Variants in SND1 observed in about 807,000 individuals in gnomAD.
SND1 encodes staphylococcal nuclease and tudor domain containing 1, also known as staphylococcal nuclease domain-containing protein 1.
A neutral mutation model predicts 121.7 loss-of-function variants in SND1; 38 were observed. That is an observed-to-expected ratio of 0.31 (90% confidence interval 0.24 to 0.41). The LOEUF is 0.41. Ranked by LOEUF, SND1 falls within the 10% of genes least tolerant of loss-of-function variation. SND1 has a pLI of 1.00. For synonymous variants in SND1, 401 were observed against 447.4 expected, an observed-to-expected ratio of 0.90 and a Z score of 1.31; for missense variants, 868 against 1,184.6, an observed-to-expected ratio of 0.73 and a Z score of 3.92.
rs1217614410 is a variant in SND1 at position 128,030,801 on chromosome 7, C to T, written c.1779+39745C>T. Reference sequence around the variant, plus strand: ...ACGGAGCGGATCGGCCGAAAAAAATCCTGCCAAACTCGAGCGGCCCCTGGT... The same window carrying T: ...ACGGAGCGGATCGGCCGAAAAAAATTCTGCCAAACTCGAGCGGCCCCTGGT... On this transcript the variant is annotated intron_variant, in intron 16 of 23. Transcript: ENST00000354725. The T allele has an allele frequency of 7.6e-6, 7 of 918,554 alleles. No homozygotes were observed. In the East Asian group the frequency reaches 2.0e-4, roughly 26 times the overall value. The allele number at this position is 918,554 out of a possible 1,614,324, so 56.9% of individuals were successfully genotyped here.
intron 15 of SND1, among the ~76,000 whole-genome samples, chr7:127,930,868 G>A (rs1386563654): frequency 1.3e-5 from 2 of 152,056 alleles, no homozygotes; most frequent in Admixed American, 6.6e-5. Context: ...TTTATAGATA[G>A]GAGGATTGTG....
intron 14 of SND1, among the ~76,000 whole-genome samples, chr7:127,916,180 G>A (rs1389671892): frequency 6.6e-6 from 1 of 152,102 alleles, no homozygotes; most frequent in Non-Finnish European, 1.5e-5. Flanking sequence ...AGTTCACCTG[G>A]TGATTGCTGA....
chr7:127,915,996 ATGTGTGTGTGTGTGTG>A lies in SND1; in HGVS notation c.1527+11199_1527+11214del, dbSNP rs57570326. On this transcript the variant is annotated intron_variant, in intron 14 of 23. Transcript: ENST00000354725. ...GGGAGTAGAATAATTAGAACAGCAT[ATGTGTGTGTGTGTGTG>A]TGTGTGTGTGTGTGTGTGTGTTTAT... Among the ~76,000 whole-genome samples the A allele has an allele frequency of 8.1e-3, 1,203 of 149,140 alleles. 17 individuals are homozygous for A. The highest frequency in any genetic ancestry group is 0.027 in the African/African-American group (1,114 of 40,782).
At chr7:128,067,355 A>G (rs1179093683) in intron 16 of SND1, among the ~76,000 whole-genome samples, 2 of 152,178 alleles carry the variant, frequency 1.3e-5, no homozygotes, top group African/African-American at 2.4e-5. Context: ...GAATATTGAA[A>G]GCAGGAATAT....
intron 15 of SND1, among the ~76,000 whole-genome samples, chr7:127,973,711 T>C (rs1464036121): frequency 6.6e-6 from 1 of 152,270 alleles, no homozygotes; most frequent in Non-Finnish European, 1.5e-5. Context: ...TATCTATGTG[T>C]GTGCCTATCT....
At position 127,773,837 on chromosome 7, in the gene SND1, T is replaced by C. The variant is rs1797564133; in HGVS notation, c.1153-33647T>C. Among the ~76,000 whole-genome samples the C allele has an allele frequency of 2.0e-5, 3 of 152,230 alleles. No homozygotes were observed. The South Asian group carries it at 6.2e-4, about 31-fold the overall frequency. ...ATTTTGGTCAAGGACAGACCACATA[T>C]ACTCTTTTATGATGGTGGTTCCATA... On this transcript the variant is annotated intron_variant, in intron 10 of 23. Coordinates refer to ENST00000354725, the MANE Select transcript of SND1 (RefSeq NM_014390.4).
At chr7:127,668,787 CT>C (rs1047410693) in intron 1 of SND1, among the ~76,000 whole-genome samples, 5 of 152,198 alleles carry the variant, frequency 3.3e-5, no homozygotes, top group African/African-American at 1.2e-4. Flanking sequence ...CTTCCACTCC[CT>C]CGGCATGATC....
intron 16 of SND1, among the ~76,000 whole-genome samples, chr7:128,033,249 G>C (rs530751935): frequency 1.1e-4 from 16 of 152,196 alleles, no homozygotes; most frequent in Non-Finnish European, 2.1e-4. Flanking sequence ...GTAGGAGAAG[G>C]GGACTAGGTC....
intron 16 of SND1, chr7:128,030,750 G>T: frequency 7.4e-7 from 1 of 1,350,110 alleles, no homozygotes; most frequent in Non-Finnish European, 1.0e-6. Context: ...TCTGGAGAAG[G>T]AGGTGGGGAG....
chr7:128,013,194 C>A (rs948562871), intron 16 of SND1, among the ~76,000 whole-genome samples: 1 of 152,196 alleles, frequency 6.6e-6, no homozygotes, highest in Admixed American at 6.5e-5. Context: ...GGACTCTGGA[C>A]AGGAGGAGGC....
intron 15 of SND1, among the ~76,000 whole-genome samples, chr7:127,976,514 CA>C (rs1257097292): frequency 6.6e-6 from 1 of 152,260 alleles, no homozygotes; most frequent in Non-Finnish European, 1.5e-5. Flanking sequence ...CACACTGTGA[CA>C]GGGGCTAAAA....
intron 10 of SND1, among the ~76,000 whole-genome samples, chr7:127,777,356 TA>T (rs1797639011): frequency 6.6e-6 from 1 of 152,228 alleles, no homozygotes; most frequent in Non-Finnish European, 1.5e-5. Flanking sequence ...TTGACAGCTG[TA>T]AATGTTGGAA....
intron 1 of SND1, among the ~76,000 whole-genome samples, chr7:127,657,038 G>T (rs1331766217): frequency 6.6e-6 from 1 of 152,178 alleles, no homozygotes; most frequent in Non-Finnish European, 1.5e-5. Flanking sequence ...TCATTTTTCT[G>T]TCAAAAGGAA....
At position 127,825,488 on chromosome 7, in the gene SND1, A is replaced by G. The variant is rs1169880309; in HGVS notation, c.1242+17915A>G. On this transcript the variant is annotated intron_variant, in intron 11 of 23. Coordinates refer to ENST00000354725, the MANE Select transcript of SND1 (RefSeq NM_014390.4). ...AGTGGTATGATCTTGGTTCACTACA[A>G]CCTCTGCCTCCCAGGTTCAAGCAAT... Among the ~76,000 whole-genome samples the G allele has an allele frequency of 2.0e-5, 3 of 150,944 alleles. No homozygotes were observed. In the East Asian group the frequency reaches 5.9e-4, roughly 30 times the overall value.
At chr7:127,863,586 C>T (rs1026824762) in intron 12 of SND1, among the ~76,000 whole-genome samples, 4 of 152,116 alleles carry the variant, frequency 2.6e-5, no homozygotes, top group Admixed American at 6.5e-5. Context: ...TTGGCAGAAT[C>T]GTAAAACAAT....
In SND1 at chr7:127,946,928, T is replaced by C. The variant is rs555020621; in HGVS notation, c.1669+17599T>C. On this transcript the variant is annotated intron_variant, in intron 15 of 23. Coordinates refer to ENST00000354725, the MANE Select transcript of SND1 (RefSeq NM_014390.4). ...ATGTATTTTTAGAACCAGAAGATTT[T>C]GGTCAGATTGCTTCTCACATCCATA... 1.2e-4 allele frequency among the ~76,000 whole-genome samples: 18 copies of C among 152,352 alleles called. No individual in the cohort carries two copies. In the East Asian group the frequency reaches 3.5e-3, roughly 29 times the overall value.
chr7:127,811,199 A>G lies in SND1; in HGVS notation c.1242+3626A>G, dbSNP rs567370630. Among the ~76,000 whole-genome samples the G allele has an allele frequency of 4.0e-3, 606 of 152,288 alleles. 5 individuals are homozygous for G. Among genetic ancestry groups the G allele is most frequent in the Non-Finnish European group, 6.0e-3 (407 of 68,010 alleles). On this transcript the variant is annotated intron_variant, in intron 11 of 23. Transcript: ENST00000354725. The stretch of plus-strand genomic sequence containing the variant: ...ACCCAGCTCTTTTTAGGCACTTAGA[A>G]TTGGGCATTTTTCTTGATCAGTGCA...
chr7:127,990,691 C>G (rs1802501225), intron 15 of SND1, among the ~76,000 whole-genome samples: 1 of 152,170 alleles, frequency 6.6e-6, no homozygotes, highest in Non-Finnish European at 1.5e-5. Context: ...TCGCCATGTG[C>G]TCTTGATAAT....
intron 12 of SND1, among the ~76,000 whole-genome samples, chr7:127,863,776 T>C (rs1459037148): frequency 1.3e-5 from 2 of 152,196 alleles, no homozygotes; most frequent in Admixed American, 6.5e-5. Flanking sequence ...GAGAGTCATA[T>C]GGTCTCCCTT....
Sources: allele counts gnomAD v4.1 joint callset (sites outside exome capture counted in the v4.1 genomes callset), GRCh38; gene constraint gnomAD v4.1.1; transcripts MANE v1.5; gene names NCBI Gene and HGNC (gene_info 2026-07-23, HGNC 2026-07-21).